MCOLN2: variants seen among roughly 807,000 people sequenced by gnomAD.
MCOLN2 encodes the protein mucolipin-2.
In MCOLN2, 57 loss-of-function variants were observed where a neutral mutation model predicts 67.5. The ratio of observed to expected loss-of-function variants is 0.84; its 90% CI spans 0.68 to 1.05. The LOEUF is 1.05. MCOLN2 is among the 50% of genes least tolerant of loss of function. The pLI, the probability that MCOLN2 is intolerant of heterozygous loss-of-function variation, is 0.00. For missense variants in MCOLN2, 620 were observed against 678.8 expected (o/e 0.91, Z 0.96); for synonymous variants, 246 against 233.3 (o/e 1.05, Z -0.50).
chr1:84,981,803 A>G (rs910121896), intron 1 of MCOLN2, among the ~76,000 whole-genome samples: 1 of 152,192 alleles, frequency 6.6e-6, no homozygotes, highest in Non-Finnish European at 1.5e-5. Flanking sequence ...AAAAATAATT[A>G]AAGAGTATAA....
chr1:84,927,267 T>C (rs200696692), intron 13 of MCOLN2, among the ~76,000 whole-genome samples: 1 of 151,868 alleles, frequency 6.6e-6, no homozygotes, highest in Non-Finnish European at 1.5e-5. Flanking sequence ...CATTGGTTTG[T>C]TTCTGGAAAA....
At chr1:84,984,360 C>G (rs1650401318) in intron 1 of MCOLN2, among the ~76,000 whole-genome samples, 1 of 152,016 alleles carries the variant, frequency 6.6e-6, no homozygotes, top group Admixed American at 6.6e-5. Context: ...GCCAGGTACC[C>G]TGTCAATTCC....
At chr1:84,956,085 T>C (rs1013171133) in intron 4 of MCOLN2, among the ~76,000 whole-genome samples, 1 of 152,312 alleles carries the variant, frequency 6.6e-6, no homozygotes. Flanking sequence ...ACAAAACATC[T>C]TTATGTATAT....
At position 84,996,981 on chromosome 1, in the gene MCOLN2, C is replaced by A; in HGVS notation, c.-109G>T. 1 of 1,011,226 alleles carries A rather than the reference C, an allele frequency of 9.9e-7. No individual in the cohort carries two copies. The allele number at this position is 1,011,226 out of a possible 1,614,324, so 62.6% of individuals were successfully genotyped here. On this transcript the variant is annotated 5_prime_UTR_variant, in exon 1 of 14. The change creates a new upstream start codon in the 5' untranslated region. Coordinates refer to ENST00000370608, the MANE Select transcript of MCOLN2 (RefSeq NM_153259.4). ...TAACGCGTCCGCCGAAGTTGGAGCC[C>A]TGCAAAGCGGGGTTCCCTTCTCTTA...
At position 84,940,977 on chromosome 1, in the gene MCOLN2, G is replaced by C. The variant is rs757871344; in HGVS notation, c.862C>G (p.Gln288Glu). Reference protein sequence around the residue: ...NIFGSTQKNAQYVLVFDAFVI... With the variant: ...NIFGSTQKNAEYVLVFDAFVI... Reference sequence around the variant, plus strand: ...AATGCATCAAACACCAGGACATACTGAGCATTTTTCTGAGCTGAGGAATAA... The same window carrying C: ...AATGCATCAAACACCAGGACATACTCAGCATTTTTCTGAGCTGAGGAATAA... The change falls in exon 8 of 14, where the codon CAG (glutamine) becomes GAG (glutamate). Residue 288 changes from glutamine to glutamate, a missense_variant. Coordinates refer to ENST00000370608, the MANE Select transcript of MCOLN2 (RefSeq NM_153259.4). 1 of 1,611,254 alleles carries C rather than the reference G, an allele frequency of 6.2e-7. No homozygotes were observed. Among genetic ancestry groups the C allele is most frequent in the Non-Finnish European group, 8.5e-7 (1 of 1,178,126 alleles).
At chr1:84,990,935 GA>G (rs1033877068) in intron 1 of MCOLN2, among the ~76,000 whole-genome samples, 102 of 140,436 alleles carry the variant, frequency 7.3e-4, no homozygotes, top group African/African-American at 2.5e-3. Context: ...ACCCAGGCTG[GA>G]AAAAAAAAAG....
At chr1:84,936,561 A>G (rs535921402) in intron 11 of MCOLN2, among the ~76,000 whole-genome samples, 342 of 152,334 alleles carry the variant, frequency 2.2e-3, no homozygotes, top group Admixed American at 4.9e-3. Context: ...AAGCAGTGAC[A>G]TGGAGTATGA....
At chr1:84,933,473 A>G (rs1041826263) in intron 11 of MCOLN2, among the ~76,000 whole-genome samples, 12 of 152,226 alleles carry the variant, frequency 7.9e-5, no homozygotes, top group African/African-American at 2.7e-4. Flanking sequence ...ATCCAAATGA[A>G]CAGATCACTT....
intron 11 of MCOLN2, among the ~76,000 whole-genome samples, chr1:84,934,304 T>C (rs918927721): frequency 1.4e-4 from 21 of 152,114 alleles, no homozygotes; most frequent in African/African-American, 4.8e-4. Flanking sequence ...TTAATACGTA[T>C]TAAATGGGTA....
At chr1:84,972,652 A>G (rs1307726593) in intron 1 of MCOLN2, among the ~76,000 whole-genome samples, 1 of 152,212 alleles carries the variant, frequency 6.6e-6, no homozygotes. Context: ...CATTAAGAAA[A>G]CCTACTCTCT....
chr1:84,992,050 G>A (rs1650911186), intron 1 of MCOLN2, among the ~76,000 whole-genome samples: 1 of 152,096 alleles, frequency 6.6e-6, no homozygotes, highest in Non-Finnish European at 1.5e-5. Context: ...TCAAAGCATT[G>A]AGGTTACCTT....
chr1:84,949,670 C>G (rs1196887194), intron 6 of MCOLN2, among the ~76,000 whole-genome samples: 1 of 151,664 alleles, frequency 6.6e-6, no homozygotes, highest in Non-Finnish European at 1.5e-5. Context: ...AAAAATACTG[C>G]AAGAGAAAAA....
intron 6 of MCOLN2, among the ~76,000 whole-genome samples, chr1:84,951,228 A>C (rs1395483689): frequency 1.3e-5 from 2 of 152,238 alleles, no homozygotes; most frequent in East Asian, 3.8e-4. Context: ...TCTAGGGCAT[A>C]GCAAAATGCC....
chr1:84,981,143 G>C (rs1027068522), intron 1 of MCOLN2, among the ~76,000 whole-genome samples: 1 of 152,112 alleles, frequency 6.6e-6, no homozygotes. Flanking sequence ...TTATCCAAAA[G>C]ACAGGCAATA....
chr1:84,932,926 C>A (rs1647247142), intron 11 of MCOLN2, among the ~76,000 whole-genome samples: 1 of 152,170 alleles, frequency 6.6e-6, no homozygotes, highest in Admixed American at 6.5e-5. Context: ...TGAGATTATA[C>A]AAAGTTTGGA....
chr1:84,973,672 G>A (rs1649854119), intron 1 of MCOLN2, among the ~76,000 whole-genome samples: 1 of 152,030 alleles, frequency 6.6e-6, no homozygotes, highest in Admixed American at 6.5e-5. Flanking sequence ...TAGTTTCCGT[G>A]GAAATAACCC....
chr1:84,940,616 G>A (rs1454063668), intron 8 of MCOLN2, among the ~76,000 whole-genome samples: 1 of 152,206 alleles, frequency 6.6e-6, no homozygotes, highest in African/African-American at 2.4e-5. Context: ...TCAAAAGCCT[G>A]AGAGTTCACC....
chr1:84,973,309 T>C lies in MCOLN2; in HGVS notation c.78-7601A>G, dbSNP rs541460745. Among the ~76,000 whole-genome samples, 260 of 152,194 alleles carry C rather than the reference T, an allele frequency of 1.7e-3. 5 individuals are homozygous for C. The highest frequency in any genetic ancestry group is 4.0e-4 in the Non-Finnish European group (27 of 68,008). On this transcript the variant is annotated intron_variant, in intron 1 of 13. Transcript: ENST00000370608. ...CTGGACAATATAGTGAGACTCTGTC[T>C]CCACAAAAACTTTTTAAAATCAGCC...
chr1:84,939,082 G>T (rs2102812879), intron 9 of MCOLN2, among the ~76,000 whole-genome samples: 1 of 152,270 alleles, frequency 6.6e-6, no homozygotes, highest in East Asian at 1.9e-4. Flanking sequence ...ATGGACGGGA[G>T]AATAGTGCGG....
Sources: gnomAD v4.1 joint callset for allele counts (sites outside exome capture counted in the v4.1 genomes callset) on GRCh38, gnomAD v4.1.1 for gene constraint, MANE v1.5 for transcripts, NCBI Gene and HGNC (gene_info 2026-07-23, HGNC 2026-07-21) for gene names.